The following SPEF2 variants were observed in gnomAD, a reference collection of about 807,000 sequenced individuals.
SPEF2 encodes sperm flagellar and cilia associated 2.
Under a neutral mutation model 224.6 loss-of-function variants are expected in SPEF2, and 187 were observed. The observed-to-expected ratio is 0.83, with a 90% CI of 0.74 to 0.94. The LOEUF is 0.94. SPEF2 is among the 40% of genes least tolerant of loss of function. The probability of loss-of-function intolerance (pLI) is 0.00; values close to 1 mark genes in which losing one functional copy is unlikely to be tolerated. For synonymous variants in SPEF2, 715 were observed against 707.3 expected (o/e 1.01, Z -0.17); for missense variants, 2,170 against 2,135.6 (o/e 1.02, Z -0.32).
intron 24 of SPEF2, among the ~76,000 whole-genome samples, chr5:35,755,854 T>C (rs1580604249): frequency 1.3e-5 from 2 of 152,004 alleles, no homozygotes; most frequent in Non-Finnish European, 1.5e-5. Flanking sequence ...AGGTGATCCA[T>C]CCGCCTCGGC....
At chr5:35,737,746 G>T (rs1469059934) in intron 21 of SPEF2, among the ~76,000 whole-genome samples, 1 of 152,124 alleles carries the variant, frequency 6.6e-6, no homozygotes, top group Non-Finnish European at 1.5e-5. Flanking sequence ...GGATGGCTGG[G>T]TCAAATGGTA....
intron 8 of SPEF2, among the ~76,000 whole-genome samples, chr5:35,663,164 C>T (rs1201964414): frequency 1.3e-5 from 2 of 152,058 alleles, no homozygotes; most frequent in East Asian, 3.9e-4. Context: ...TATATCAAAA[C>T]ATTTATTAAC....
rs768315524 is a variant in SPEF2 at position 35,704,674 on chromosome 5, A to C, written c.2507+12A>C. Reference sequence around the variant, plus strand: ...CAGATACAACATAGGTTAGTTTTTAACTAAATGCTCTGCTTCTTGTTTCAT... The same window carrying C: ...CAGATACAACATAGGTTAGTTTTTACCTAAATGCTCTGCTTCTTGTTTCAT... On this transcript the variant is annotated intron_variant, in intron 17 of 36. Coordinates refer to ENST00000356031, the MANE Select transcript of SPEF2 (RefSeq NM_024867.4). 7.0e-7 allele frequency: 1 copy of C among 1,436,970 alleles called. No individual in the cohort carries two copies. The highest frequency in any genetic ancestry group is 1.2e-5 in the South Asian group (1 of 86,150). The allele number at this position is 1,436,970 out of a possible 1,614,324, so 89.0% of individuals were successfully genotyped here.
At chr5:35,783,389 T>G (rs1003653252) in intron 30 of SPEF2, among the ~76,000 whole-genome samples, 8 of 152,174 alleles carry the variant, frequency 5.3e-5, no homozygotes, top group African/African-American at 1.9e-4. Context: ...ATGATACTTA[T>G]TCCATGTATT....
chr5:35,697,358 C>A (rs1326622509), intron 14 of SPEF2, among the ~76,000 whole-genome samples: 1 of 152,138 alleles, frequency 6.6e-6, no homozygotes, highest in African/African-American at 2.4e-5. Context: ...TGGGTTTTCC[C>A]TAGAGGGCAT....
intron 2 of SPEF2, among the ~76,000 whole-genome samples, chr5:35,638,851 A>G (rs1176630971): frequency 6.6e-6 from 1 of 152,140 alleles, no homozygotes; most frequent in Non-Finnish European, 1.5e-5. Flanking sequence ...ATTGTTTCCA[A>G]TGAATAAATG....
intron 3 of SPEF2, 62 bp downstream of exon 3, chr5:35,641,745 CAAT>C: frequency 6.5e-7 from 1 of 1,531,084 alleles, no homozygotes; most frequent in South Asian, 1.3e-5. Flanking sequence ...AGAGAAATGA[CAAT>C]GATATTGAAT....
chr5:35,635,406 A>G (rs1015030078), intron 2 of SPEF2, among the ~76,000 whole-genome samples: 1 of 152,166 alleles, frequency 6.6e-6, no homozygotes, highest in African/African-American at 2.4e-5. Context: ...GCTTGCAGCT[A>G]TAGCATTTAC....
At chr5:35,643,792 A>T (rs1188615316) in intron 3 of SPEF2, 2 of 260,470 alleles carry the variant, frequency 7.7e-6, no homozygotes, top group African/African-American at 4.4e-5. Flanking sequence ...ATCTCACTGG[A>T]TCTTCACAAC....
intron 1 of SPEF2, among the ~76,000 whole-genome samples, chr5:35,625,060 C>T (rs571064452): frequency 7.9e-5 from 12 of 151,860 alleles, no homozygotes; most frequent in Admixed American, 4.6e-4. Context: ...TTTTTTTCTC[C>T]AAGTTTCCCC....
chr5:35,802,484 AG>A (rs1303236202), intron 34 of SPEF2, among the ~76,000 whole-genome samples: 13 of 152,140 alleles, frequency 8.5e-5, no homozygotes, highest in African/African-American at 1.2e-4. Context: ...TAAACAAATA[AG>A]CAAAACAGAG....
intron 30 of SPEF2, among the ~76,000 whole-genome samples, chr5:35,779,725 G>T (rs529118254): frequency 3.8e-4 from 58 of 152,342 alleles, no homozygotes; most frequent in African/African-American, 1.3e-3. Flanking sequence ...TGTGAGGGGA[G>T]ACCAGGCAGT....
chr5:35,662,973 T>A (rs1193241200), intron 8 of SPEF2, among the ~76,000 whole-genome samples: 1 of 152,204 alleles, frequency 6.6e-6, no homozygotes, highest in African/African-American at 2.4e-5. Context: ...CTTTAAGGTT[T>A]CTTAACTATG....
chr5:35,637,517 G>C (rs1378154419), intron 2 of SPEF2, among the ~76,000 whole-genome samples: 1 of 152,094 alleles, frequency 6.6e-6, no homozygotes, highest in Non-Finnish European at 1.5e-5. Context: ...CCATGCTAGA[G>C]GTGAATTATT....
rs1750569379 is a variant in SPEF2 at position 35,667,068 on chromosome 5, T to C, written c.1168-4T>C. 1.3e-6 allele frequency: 2 copies of C among 1,595,698 alleles called. No homozygotes were observed. The highest frequency in any genetic ancestry group is 1.4e-5 in the African/African-American group (1 of 73,922). On this transcript the variant is annotated splice_polypyrimidine_tract_variant and splice_region_variant and intron_variant, in intron 8 of 36. Coordinates refer to ENST00000356031, the MANE Select transcript of SPEF2 (RefSeq NM_024867.4). ...GACTTAAAAATATGTTTTTGCCTTT[T>C]TAGGCTTTGGCAAAACAAGCCAAGA...
chr5:35,648,235 T>C (rs1313148560), intron 5 of SPEF2, among the ~76,000 whole-genome samples: 1 of 149,808 alleles, frequency 6.7e-6, no homozygotes, highest in Non-Finnish European at 1.5e-5. Context: ...TTACATTAAT[T>C]CACTTTTTTT....
intron 3 of SPEF2, among the ~76,000 whole-genome samples, chr5:35,643,196 G>A (rs187043614): frequency 2.6e-5 from 4 of 152,300 alleles, no homozygotes; most frequent in African/African-American, 9.6e-5. Context: ...CTCATTTAAT[G>A]TTGGTCATGG....
At chr5:35,807,647 C>T (rs1432367450) in intron 36 of SPEF2, 1 of 1,535,786 alleles carries the variant, frequency 6.5e-7, no homozygotes, top group Admixed American at 2.0e-5. Context: ...AGGTACACAT[C>T]ATCTATGTAG....
chr5:35,806,352 G>T (rs990204632), intron 34 of SPEF2, among the ~76,000 whole-genome samples: 1 of 152,268 alleles, frequency 6.6e-6, no homozygotes, highest in Admixed American at 6.5e-5. Flanking sequence ...CCTCTCAATT[G>T]CATTCAATTT....
Sources: allele counts gnomAD v4.1 joint callset (sites outside exome capture counted in the v4.1 genomes callset), GRCh38; gene constraint gnomAD v4.1.1; transcripts MANE v1.5; gene names NCBI Gene and HGNC (gene_info 2026-07-23, HGNC 2026-07-21).